UBE2E2: variants seen among roughly 807,000 people sequenced by gnomAD.
UBE2E2 encodes the protein ubiquitin conjugating enzyme E2 E2.
A neutral mutation model predicts 24.7 loss-of-function variants in UBE2E2; 6 were observed. The ratio of observed to expected loss-of-function variants is 0.24; its 90% confidence interval spans 0.13 to 0.48. UBE2E2 has a LOEUF of 0.48. Ranked by LOEUF, UBE2E2 falls within the 20% of genes least tolerant of loss-of-function variation. The probability of loss-of-function intolerance (pLI) is 0.99; values close to 1 mark genes in which losing one functional copy is unlikely to be tolerated. For missense variants in UBE2E2, 169 were observed against 245.0 expected, an observed-to-expected ratio of 0.69 and a Z score of 2.07; for synonymous variants, 104 against 83.6, an observed-to-expected ratio of 1.24 and a Z score of -1.33.
intron 4 of UBE2E2, among the ~76,000 whole-genome samples, chr3:23,525,969 A>G (rs1286446883): frequency 6.6e-6 from 1 of 152,158 alleles, no homozygotes; most frequent in Non-Finnish European, 1.5e-5. Context: ...ATATCTAAGG[A>G]CCGCAAACAA....
intron 3 of UBE2E2, among the ~76,000 whole-genome samples, chr3:23,361,434 C>T (rs1302637243): frequency 6.6e-6 from 1 of 152,138 alleles, no homozygotes; most frequent in Non-Finnish European, 1.5e-5. Flanking sequence ...AAGCTAAGTG[C>T]CCGTTGACCA....
chr3:23,311,363 G>A (rs558949920), intron 3 of UBE2E2, among the ~76,000 whole-genome samples: 2 of 152,182 alleles, frequency 1.3e-5, no homozygotes, highest in Non-Finnish European at 2.9e-5. Context: ...AATCCTTTGG[G>A]TATATACCCA....
At chr3:23,247,025 CG>C (rs1411269834) in intron 3 of UBE2E2, among the ~76,000 whole-genome samples, 1 of 151,774 alleles carries the variant, frequency 6.6e-6, no homozygotes. Context: ...AATTTAAAAA[CG>C]TTTTTTATTG....
At chr3:23,554,953 G>C (rs188790530) in intron 5 of UBE2E2, among the ~76,000 whole-genome samples, 2 of 150,158 alleles carry the variant, frequency 1.3e-5, no homozygotes, top group African/African-American at 2.5e-5. Flanking sequence ...GTATGGCTCT[G>C]TTGCCCAGGC....
intron 3 of UBE2E2, among the ~76,000 whole-genome samples, chr3:23,273,100 T>A (rs1008990993): frequency 6.6e-6 from 1 of 152,216 alleles, no homozygotes; most frequent in African/African-American, 2.4e-5. Flanking sequence ...ACCAAATGTC[T>A]GGACACTTTG....
At chr3:23,509,128 A>G (rs999448681) in intron 4 of UBE2E2, among the ~76,000 whole-genome samples, 1 of 152,232 alleles carries the variant, frequency 6.6e-6, no homozygotes, top group Non-Finnish European at 1.5e-5. Context: ...ACTCTGAGAG[A>G]AACACTCTAA....
At chr3:23,358,473 A>G (rs1696027938) in intron 3 of UBE2E2, among the ~76,000 whole-genome samples, 1 of 152,242 alleles carries the variant, frequency 6.6e-6, no homozygotes, top group African/African-American at 2.4e-5. Flanking sequence ...ACCTCTTTAA[A>G]GGAAGTGGTG....
At chr3:23,354,317 A>G (rs1380035686) in intron 3 of UBE2E2, among the ~76,000 whole-genome samples, 1 of 152,206 alleles carries the variant, frequency 6.6e-6, no homozygotes, top group African/African-American at 2.4e-5. Flanking sequence ...CATTGAGGAC[A>G]TAGGCATGGG....
At position 23,373,088 on chromosome 3, in the gene UBE2E2, G is replaced by C. The variant is rs115856510; in HGVS notation, c.228-126520G>C. On this transcript the variant is annotated intron_variant, in intron 3 of 5. Transcript: ENST00000396703. ...ATAGGAAGTCATGGGTAATTAAAGAGGGGCCTCTAAACTCCAGACCCTTCC... is the reference window on the plus strand; with the variant it reads ...ATAGGAAGTCATGGGTAATTAAAGACGGGCCTCTAAACTCCAGACCCTTCC... Among the ~76,000 whole-genome samples, 257 of 152,228 alleles carry C rather than the reference G, an allele frequency of 1.7e-3. 1 individual carries two copies. Among genetic ancestry groups the C allele is most frequent in the African/African-American group, 6.0e-3 (248 of 41,522 alleles).
intron 3 of UBE2E2, among the ~76,000 whole-genome samples, chr3:23,274,352 C>G (rs1387858631): frequency 5.9e-5 from 9 of 151,874 alleles, no homozygotes; most frequent in Non-Finnish European, 1.3e-4. Flanking sequence ...CCTGGAAGGT[C>G]TTTCTGTTAT....
chr3:23,375,010 T>C (rs55934161), intron 3 of UBE2E2, among the ~76,000 whole-genome samples: 43,845 of 151,884 alleles, frequency 0.29, 6,543 homozygotes, highest in East Asian at 0.36. Context: ...TGGAGAGTTA[T>C]GTTATTCTAT....
intron 3 of UBE2E2, among the ~76,000 whole-genome samples, chr3:23,278,957 T>C (rs1698427996): frequency 6.6e-6 from 1 of 152,186 alleles, no homozygotes. Context: ...TTTTAATAAT[T>C]TGATAATTTT....
chr3:23,424,213 A>G (rs1383359616), intron 3 of UBE2E2, among the ~76,000 whole-genome samples: 1 of 152,182 alleles, frequency 6.6e-6, no homozygotes, highest in African/African-American at 2.4e-5. Flanking sequence ...GTTGAACCAG[A>G]TAAATCTAAG....
intron 1 of UBE2E2, chr3:23,204,840 CAT>C (rs1696102650): frequency 1.2e-6 from 1 of 810,212 alleles, no homozygotes; most frequent in African/African-American, 1.9e-5. Flanking sequence ...GACAGCAAGA[CAT>C]ATATGACAGA....
chr3:23,436,039 C>A (rs1380341814), intron 3 of UBE2E2, among the ~76,000 whole-genome samples: 1 of 152,122 alleles, frequency 6.6e-6, no homozygotes, highest in South Asian at 2.1e-4. Flanking sequence ...CTATGAGGAT[C>A]TAATGCCACT....
At chr3:23,356,967 C>G (rs956440773) in intron 3 of UBE2E2, among the ~76,000 whole-genome samples, 2 of 152,206 alleles carry the variant, frequency 1.3e-5, no homozygotes, top group Non-Finnish European at 2.9e-5. Flanking sequence ...TCTGGGGTGA[C>G]TGACTTCGTC....
At chr3:23,320,768 A>T (rs1694717993) in intron 3 of UBE2E2, among the ~76,000 whole-genome samples, 1 of 152,150 alleles carries the variant, frequency 6.6e-6, no homozygotes, top group Non-Finnish European at 1.5e-5. Flanking sequence ...GGACTCTTTG[A>T]TTAATCCACC....
chr3:23,410,887 A>G (rs2125380879), intron 3 of UBE2E2, among the ~76,000 whole-genome samples: 1 of 152,314 alleles, frequency 6.6e-6, no homozygotes, highest in South Asian at 2.1e-4. Flanking sequence ...ATGACAGAAA[A>G]AGAAGCAAAA....
At chr3:23,221,597 A>G (rs1304953402) in intron 3 of UBE2E2, among the ~76,000 whole-genome samples, 1 of 152,080 alleles carries the variant, frequency 6.6e-6, no homozygotes, top group African/African-American at 2.4e-5. Context: ...TACAAAGTGT[A>G]ATATTTTCAA....
Sources: gnomAD v4.1 joint callset for allele counts (sites outside exome capture counted in the v4.1 genomes callset) on GRCh38, gnomAD v4.1.1 for gene constraint, MANE v1.5 for transcripts, NCBI Gene and HGNC (gene_info 2026-07-23, HGNC 2026-07-21) for gene names.